The following ESRRB variants were observed in gnomAD, a reference collection of about 807,000 sequenced individuals.
ESRRB encodes the protein steroid hormone receptor ERR2.
A neutral mutation model predicts 46.0 loss-of-function variants in ESRRB; 16 were observed. The ratio of observed to expected loss-of-function variants is 0.35; its 90% CI spans 0.24 to 0.53. The LOEUF is 0.53. Ranked by LOEUF, ESRRB falls within the 20% of genes least tolerant of loss-of-function variation. ESRRB has a pLI of 0.93. For synonymous variants in ESRRB, 246 were observed against 259.6 expected (o/e 0.95, Z 0.50); for missense variants, 488 against 607.4 (o/e 0.80, Z 2.07).
intron 2 of ESRRB, among the ~76,000 whole-genome samples, chr14:76,441,693 C>G (rs550716802): frequency 3.3e-5 from 5 of 152,310 alleles, no homozygotes; most frequent in African/African-American, 9.6e-5. Context: ...CTGTTGAGCA[C>G]CTACAAAGCA....
In ESRRB at chr14:76,447,689, CT is replaced by C. The variant is rs143760241; in HGVS notation, c.460+7942del. 9.9e-3 allele frequency among the ~76,000 whole-genome samples: 1,513 copies of C among 152,194 alleles called. 20 individuals carry two copies. The highest frequency in any genetic ancestry group is 0.035 in the African/African-American group (1,446 of 41,524). The stretch of plus-strand genomic sequence containing the variant: ...TTCAAGCCAGACACCTGGGTCTTAC[CT>C]TTAACTCTGCTTCCTGTCCCAGCGC... On this transcript the variant is annotated intron_variant, in intron 2 of 6. Transcript: ENST00000644823.
chr14:76,324,653 T>C (rs1201093272), intron 1 of ESRRB, among the ~76,000 whole-genome samples: 2 of 152,184 alleles, frequency 1.3e-5, no homozygotes, highest in African/African-American at 4.8e-5. Context: ...AGACCATCAG[T>C]GTCTGGAGCT....
chr14:76,425,473 G>T (rs957345920), intron 1 of ESRRB, among the ~76,000 whole-genome samples: 1 of 151,972 alleles, frequency 6.6e-6, no homozygotes. Context: ...GCCTGCCTGA[G>T]CGCCCCTGGC....
chr14:76,403,769 C>T (rs1284996077), intron 1 of ESRRB, among the ~76,000 whole-genome samples: 1 of 152,066 alleles, frequency 6.6e-6, no homozygotes, highest in Non-Finnish European at 1.5e-5. Flanking sequence ...TCTTGTTGCC[C>T]AGGCTGGAGT....
Position 76,498,473 on chromosome 14 carries a change from G to T in ESRRB, c.*15G>T, listed in dbSNP as rs1255457688. 1.2e-6 allele frequency: 2 copies of T among 1,613,022 alleles called. No individual in the cohort carries two copies. The highest frequency in any genetic ancestry group is 1.7e-5 in the Admixed American group (1 of 60,028). On this transcript the variant is annotated 3_prime_UTR_variant, in exon 7 of 7. Coordinates refer to ENST00000644823, the MANE Select transcript of ESRRB (RefSeq NM_001379180.1). ...CCAAGGTGTGATGGCCCCGCACACG[G>T]ACCAATGCCCACCTACAGACAGACA...
At chr14:76,447,277 C>CCTTCCTTT (rs1888192271) in intron 2 of ESRRB, among the ~76,000 whole-genome samples, 1 of 124,096 alleles carries the variant, frequency 8.1e-6, no homozygotes, top group Non-Finnish European at 1.6e-5. Context: ...TTCCTTCCTT[C>CCTTCCTTT]CTTCCTTCCT....
chr14:76,332,890 A>ATTT (rs1566853545), intron 1 of ESRRB, among the ~76,000 whole-genome samples: 3 of 36,364 alleles, frequency 8.2e-5, no homozygotes, highest in African/African-American at 1.2e-4. Flanking sequence ...TATATTATAT[A>ATTT]TTTATATATT....
Position 76,491,529 on chromosome 14 carries a change from C to A in ESRRB, c.933C>A (p.Tyr311Ter). The change falls in exon 6 of 7, where the codon TAC becomes TAA. Residue 311 changes from tyrosine to a stop codon, truncating the protein, a stop_gained. Transcript: ENST00000644823. LOFTEE classifies it high-confidence loss of function. ...WMEILILGIV[Y>*]RSLPYDDKLV... ...AAATCCTCATCCTGGGCATCGTGTA[C>A]CGCTCGCTGCCCTATGACGACAAGC... 3 of 1,599,064 alleles carry A rather than the reference C, an allele frequency of 1.9e-6. No homozygotes were observed. The highest frequency in any genetic ancestry group is 2.6e-6 in the Non-Finnish European group (3 of 1,173,270).
intron 1 of ESRRB, among the ~76,000 whole-genome samples, chr14:76,409,059 C>A (rs180994058): frequency 1.3e-3 from 192 of 152,262 alleles, no homozygotes; most frequent in Non-Finnish European, 2.1e-3. Context: ...GGCACTTAAC[C>A]CAACCTGAGC....
At position 76,482,837 on chromosome 14, in the gene ESRRB, T is replaced by C. The variant is rs1373046982; in HGVS notation, c.850+78T>C. 1 of 1,553,822 alleles carries C rather than the reference T, an allele frequency of 6.4e-7. No homozygotes were observed. Among genetic ancestry groups the C allele is most frequent in the African/African-American group, 1.4e-5 (1 of 73,822 alleles). ...TCCGCAGCCTACCCAATGGCTGTGCTTCTGATGCCCGGATCCTGGACCCCA... is the reference window on the plus strand; with the variant it reads ...TCCGCAGCCTACCCAATGGCTGTGCCTCTGATGCCCGGATCCTGGACCCCA... On this transcript the variant is annotated intron_variant, in intron 5 of 6. Coordinates refer to ENST00000644823, the MANE Select transcript of ESRRB (RefSeq NM_001379180.1). This position sits in a 1 kb window ranked among gnomAD's most constrained non-coding sequence, Gnocchi z 4.3.
intron 2 of ESRRB, among the ~76,000 whole-genome samples, chr14:76,458,477 CACACAT>C (rs1448533209): frequency 6.1e-4 from 49 of 80,932 alleles, no homozygotes; most frequent in African/African-American, 2.6e-3. Flanking sequence ...CACAAACACA[CACACAT>C]GCATGCAGGC....
chr14:76,374,087 C>T (rs570904597), upstream of ESRRB, among the ~76,000 whole-genome samples: 1 of 152,290 alleles, frequency 6.6e-6, no homozygotes, highest in East Asian at 1.9e-4. Context: ...TGGGCAGCGG[C>T]CTGTCACTCA....
intron 1 of ESRRB, among the ~76,000 whole-genome samples, chr14:76,344,820 C>T (rs936191087): frequency 3.9e-4 from 53 of 134,622 alleles, no homozygotes; most frequent in Non-Finnish European, 2.9e-4. Context: ...CCACTGCACT[C>T]CAGCCTGGGT....
intron 3 of ESRRB, among the ~76,000 whole-genome samples, chr14:76,468,074 T>C (rs1362592887): frequency 6.6e-6 from 1 of 152,168 alleles, no homozygotes; most frequent in Non-Finnish European, 1.5e-5. Context: ...GTAATTGTGT[T>C]AGTGGCCAGC....
chr14:76,358,329 AAGAAAGAAAGAAAGAAAGAAAGAAAG>A (rs1566859624), intron 1 of ESRRB, among the ~76,000 whole-genome samples: 10 of 14,108 alleles, frequency 7.1e-4, no homozygotes, highest in Admixed American at 2.8e-3. Flanking sequence ...AAAAAAAAGA[AAGAAAGAAAGAAAGAAAGAAAGAAAG>A]AAAGAAAGAA....
intron 1 of ESRRB, among the ~76,000 whole-genome samples, chr14:76,365,421 G>A (rs1884508699): frequency 6.6e-6 from 1 of 152,236 alleles, no homozygotes. Flanking sequence ...TAAGGCTCCA[G>A]TGAGATGTGT....
intron 1 of ESRRB, among the ~76,000 whole-genome samples, chr14:76,333,624 G>A (rs1884091147): frequency 6.7e-6 from 1 of 149,856 alleles, no homozygotes; most frequent in Non-Finnish European, 1.5e-5. Flanking sequence ...CACTGTACTA[G>A]GCTACATTTT....
intron 1 of ESRRB, among the ~76,000 whole-genome samples, chr14:76,429,431 TA>T (rs1318298405): frequency 6.6e-6 from 1 of 151,806 alleles, no homozygotes; most frequent in Non-Finnish European, 1.5e-5. Context: ...CAGGAGTGAT[TA>T]AAAAAAACAC....
In ESRRB at chr14:76,499,933, T is replaced by C. The variant is rs1189784993; in HGVS notation, c.*1475T>C. On this transcript the variant is annotated 3_prime_UTR_variant, in exon 7 of 7. Transcript: ENST00000644823. ...TCAAGCCATGATGGAAAATGCCCCT[T>C]CCAATCAGCTGCCTTCACAAGCAGG... 3 of 1,613,640 alleles carry C rather than the reference T, an allele frequency of 1.9e-6. No homozygotes were observed. The highest frequency in any genetic ancestry group is 1.7e-5 in the Admixed American group (1 of 59,956).
Sources: gnomAD v4.1 joint callset for allele counts (sites outside exome capture counted in the v4.1 genomes callset) on GRCh38, gnomAD v4.1.1 for gene constraint, Gnocchi (gnomAD v3.1) non-coding constraint, MANE v1.5 for transcripts, NCBI Gene and HGNC (gene_info 2026-07-23, HGNC 2026-07-21) for gene names.